CNTRL: variants seen among roughly 807,000 people sequenced by gnomAD.
The protein encoded by CNTRL is 110 kDa centrosomal protein.
A neutral mutation model predicts 303.7 loss-of-function variants in CNTRL; 233 were observed. That is an observed-to-expected ratio of 0.77 (90% confidence interval 0.69 to 0.86). The LOEUF (loss-of-function observed/expected upper bound fraction) is 0.86, where lower values mean the gene tolerates loss of function less well. Among genes scored for constraint, CNTRL ranks in the 40% least tolerant of loss-of-function variants. The pLI is 0.00. For synonymous variants in CNTRL, 900 were observed against 922.2 expected, an observed-to-expected ratio of 0.98 and a Z score of 0.44; for missense variants, 2,524 against 2,650.6, an observed-to-expected ratio of 0.95 and a Z score of 1.05.
chr9:121,144,111 C>T, intron 20 of CNTRL, 29 bp downstream of exon 20: 1 of 1,539,772 alleles, frequency 6.5e-7, no homozygotes. Context: ...AACAGGTTTC[C>T]ATCAATGATG....
At chr9:121,174,648 A>C (rs1229946107) in intron 42 of CNTRL, among the ~76,000 whole-genome samples, 2 of 152,194 alleles carry the variant, frequency 1.3e-5, no homozygotes, top group Admixed American at 1.3e-4. Flanking sequence ...AGACTTAGGA[A>C]AAAATACATA....
chr9:121,173,753 A>C lies in CNTRL; in HGVS notation c.6747+16A>C. ...CCGACTCAAGGTTGCCCTTTAAAAC[A>C]AACAAAAAATCAGTATGAGATACTG... On this transcript the variant is annotated intron_variant, in intron 42 of 43. Transcript: ENST00000373855. 6.2e-7 allele frequency: 1 copy of C among 1,613,576 alleles called. No homozygotes were observed.
In CNTRL at chr9:121,157,473, A is replaced by T; in HGVS notation, c.4369A>T (p.Lys1457Ter). 6.2e-7 allele frequency: 1 copy of T among 1,613,370 alleles called. No homozygotes were observed. The part of the protein sequence containing the change: ...SELSCTKEKT[K>*]NAVEKFTDAK... ...TTAATGACAGTTTCTTTTCTAGACA[A>T]AAAATGCTGTTGAAAAGTTCACTGA... Residue 1457 changes from lysine to a stop codon, truncating the protein, a stop_gained, in exon 28 of 44, where the codon AAA becomes TAA. Transcript: ENST00000373855. LOFTEE classifies it high-confidence loss of function.
chr9:121,081,257 T>C (rs2048129450), intron 2 of CNTRL, among the ~76,000 whole-genome samples: 1 of 152,214 alleles, frequency 6.6e-6, no homozygotes, highest in Non-Finnish European at 1.5e-5. Context: ...TATCTTTTAA[T>C]AGAGATATGA....
intron 2 of CNTRL, among the ~76,000 whole-genome samples, chr9:121,086,633 CTTTTTTTTT>C (rs60828602): frequency 1.7e-5 from 2 of 119,208 alleles, no homozygotes; most frequent in Middle Eastern, 4.5e-3. Flanking sequence ...GCTGGATTTA[CTTTTTTTTT>C]TTTTTTTTTT....
intron 43 of CNTRL, 67 bp from the exon 44 acceptor site, chr9:121,177,096 T>C: frequency 7.8e-7 from 1 of 1,280,726 alleles, no homozygotes; most frequent in Non-Finnish European, 1.1e-6. Context: ...CATCATGCCA[T>C]CACTTAGTTA....
intron 39 of CNTRL, 175 bp from the exon 40 acceptor site, chr9:121,171,233 A>G (rs576257032): frequency 1.4e-6 from 1 of 703,158 alleles, no homozygotes; most frequent in Admixed American, 2.0e-5. Context: ...ACGTGTATAT[A>G]CGCCCAGCTG....
intron 7 of CNTRL, among the ~76,000 whole-genome samples, chr9:121,099,229 A>AT (rs1329563344): frequency 6.6e-6 from 1 of 152,186 alleles, no homozygotes; most frequent in Admixed American, 6.5e-5. Context: ...AGGCAGCAAC[A>AT]TTTGCCGTTC....
chr9:121,084,035 C>A lies in CNTRL; in HGVS notation c.-32+3557C>A, dbSNP rs962270345. Among the ~76,000 whole-genome samples, 44 of 152,066 alleles carry A rather than the reference C, an allele frequency of 2.9e-4. 1 individual carries two copies. Among genetic ancestry groups the A allele is most frequent in the Non-Finnish European group, 5.1e-4 (35 of 68,018 alleles). ...CATTAAGACTTGAGCTACTCTAAATCCTTGGATTAAAAACTACTTTAACCT... is the reference window on the plus strand; with the variant it reads ...CATTAAGACTTGAGCTACTCTAAATACTTGGATTAAAAACTACTTTAACCT... On this transcript the variant is annotated intron_variant, in intron 2 of 43. Transcript: ENST00000373855.
Position 121,088,440 on chromosome 9 carries a change from G to C in CNTRL, c.114G>C (p.Leu38Phe), listed in dbSNP as rs1305346223. 6.2e-7 allele frequency: 1 copy of C among 1,612,306 alleles called. No homozygotes were observed. The highest frequency in any genetic ancestry group is 8.5e-7 in the Non-Finnish European group (1 of 1,178,384). The change falls in exon 3 of 44, where the codon TTG becomes TTC. Residue 38 changes from leucine (L) to phenylalanine (F), a missense_variant. Leu to Phe is a conservative substitution (Grantham distance 22). Coordinates refer to ENST00000373855, the MANE Select transcript of CNTRL (RefSeq NM_007018.6). ...TGAGATCTAGGTCACTTTCACCTTT[G>C]ATTGGATCAGAGACTCTACCTTTTC... ...SNMRSRSLSP[L>F]IGSETLPFHS...
Position 121,088,393 on chromosome 9 carries a change from A to G in CNTRL, c.67A>G (p.Ile23Val), listed in dbSNP as rs2048429366. 3 of 1,613,280 alleles carry G rather than the reference A, an allele frequency of 1.9e-6. No homozygotes were observed. In the African/African-American group the frequency reaches 4.0e-5, roughly 22 times the overall value. ...GATACCATCATCATCTCACTCTCCT[A>G]TCCCATCATCTATGTCCAATATGAG... ...AKIPSSSHSP[I>V]PSSMSNMRSR... is the part of the protein sequence containing the mutation. The change falls in exon 3 of 44, where the codon ATC (isoleucine) becomes GTC (valine). Residue 23 changes from isoleucine to valine, a missense_variant. By Grantham distance (29) the Ile-to-Val change is conservative. Coordinates refer to ENST00000373855, the MANE Select transcript of CNTRL (RefSeq NM_007018.6).
At chr9:121,090,117 A>C in intron 3 of CNTRL, among the ~76,000 whole-genome samples, 158 bp from the exon 4 acceptor site, 2 of 132,368 alleles carry the variant, frequency 1.5e-5, no homozygotes, top group Middle Eastern at 7.1e-3. Context: ...AATGCTATGA[A>C]GTAAAATATT....
At chr9:121,111,733 C>T (rs1402640212) in intron 8 of CNTRL, among the ~76,000 whole-genome samples, 1 of 152,056 alleles carries the variant, frequency 6.6e-6, no homozygotes, top group East Asian at 1.9e-4. Flanking sequence ...TAACTTTAGA[C>T]AAGTCAGTTC....
Position 121,171,460 on chromosome 9 carries a change from T to C in CNTRL, c.6329T>C (p.Leu2110Pro). Residue 2110 changes from leucine to proline, a missense_variant, in exon 40 of 44, where the codon CTG (leucine) becomes CCG (proline). Physicochemically the swap from Leu to Pro is moderately conservative, Grantham distance 98. Transcript: ENST00000373855. Reference sequence around the variant, plus strand: ...CAAAAGGAAATGGCAACAATTGAACTGGTAGCCCAGGACAACCATGAGCGG... The same window carrying C: ...CAAAAGGAAATGGCAACAATTGAACCGGTAGCCCAGGACAACCATGAGCGG... ...CIQKEMATIE[L>P]VAQDNHERAR... The C allele has an allele frequency of 1.2e-6, 2 of 1,614,134 alleles. No individual in the cohort carries two copies. The highest frequency in any genetic ancestry group is 2.2e-5 in the South Asian group (2 of 91,090).
At chr9:121,081,796 A>G (rs1377938398) in intron 2 of CNTRL, among the ~76,000 whole-genome samples, 4 of 152,162 alleles carry the variant, frequency 2.6e-5, no homozygotes, top group East Asian at 3.8e-4. Context: ...TTGGGGTTTT[A>G]TGGAGGCTTA....
At chr9:121,121,343 A>G (rs537443882) in intron 12 of CNTRL, among the ~76,000 whole-genome samples, 1 of 152,288 alleles carries the variant, frequency 6.6e-6, no homozygotes, top group South Asian at 2.1e-4. Context: ...CCCCTAAGTT[A>G]TTGTTTTAGA....
intron 34 of CNTRL, among the ~76,000 whole-genome samples, chr9:121,163,802 G>A (rs2052966550): frequency 6.6e-6 from 1 of 151,384 alleles, no homozygotes; most frequent in Admixed American, 6.6e-5. Flanking sequence ...TAAAACCACA[G>A]TGAGATATCA....
chr9:121,161,316 GAA>G (rs1461727877), intron 32 of CNTRL: 2 of 425,406 alleles, frequency 4.7e-6, no homozygotes, highest in African/African-American at 4.1e-5. Context: ...TCTATGATCA[GAA>G]AAAAAGTTAA....
At chr9:121,175,254 C>CAA (rs748662802) in intron 43 of CNTRL, 30 bp downstream of exon 43, 2 of 1,599,200 alleles carry the variant, frequency 1.3e-6, no homozygotes, top group Non-Finnish European at 1.7e-6. Flanking sequence ...AAAAACAAAA[C>CAA]AATAGCCTGA....
Sources: allele counts gnomAD v4.1 joint callset (sites outside exome capture counted in the v4.1 genomes callset), GRCh38; gene constraint gnomAD v4.1.1; transcripts MANE v1.5; gene names NCBI Gene and HGNC (gene_info 2026-07-23, HGNC 2026-07-21).